Variants in SLC24A2 observed in about 807,000 individuals in gnomAD.
SLC24A2 encodes solute carrier family 24 member 2.
A neutral mutation model predicts 62.0 loss-of-function variants in SLC24A2; 36 were observed. That is an observed-to-expected ratio of 0.58 (90% CI 0.44 to 0.77). SLC24A2 has a LOEUF of 0.77. SLC24A2 is among the 30% of genes least tolerant of loss of function. The pLI is 0.00. For missense variants in SLC24A2, 846 were observed against 817.9 expected (o/e 1.03, Z -0.42); for synonymous variants, 358 against 294.0 (o/e 1.22, Z -2.23).
intron 2 of SLC24A2, among the ~76,000 whole-genome samples, chr9:19,734,841 C>T (rs936550354): frequency 2.0e-5 from 3 of 152,074 alleles, no homozygotes; most frequent in African/African-American, 7.2e-5. Flanking sequence ...CTTCCTTACA[C>T]CTTATACAAA....
At chr9:19,988,177 G>T in the SLC24A2 span, among the ~76,000 whole-genome samples, 16 of 152,058 alleles carry the variant, frequency 1.1e-4, no homozygotes, top group East Asian at 2.3e-3. Context: ...CACCCCTTTG[G>T]CTCCTCCTTA....
the SLC24A2 span, among the ~76,000 whole-genome samples, chr9:19,934,823 G>A: frequency 5.9e-5 from 9 of 152,068 alleles, no homozygotes; most frequent in Admixed American, 3.9e-4. The surrounding 1 kb of genome is among the most constrained non-coding windows in gnomAD (Gnocchi z 4.1). Flanking sequence ...CAAGCGTGGC[G>A]AGTCCGTTTC....
intron 2 of SLC24A2, among the ~76,000 whole-genome samples, chr9:19,687,431 C>T (rs182085626): frequency 1.4e-4 from 22 of 152,090 alleles, no homozygotes; most frequent in African/African-American, 4.8e-4. Context: ...GTGATAGACT[C>T]GAAGGTGAAA....
chr9:20,235,160 C>T, the SLC24A2 span, among the ~76,000 whole-genome samples: 1 of 152,198 alleles, frequency 6.6e-6, no homozygotes, highest in African/African-American at 2.4e-5. Flanking sequence ...CCCAGTTAGG[C>T]TACTCGGGGG....
the SLC24A2 span, among the ~76,000 whole-genome samples, chr9:20,083,086 G>C: frequency 1.2e-4 from 19 of 152,162 alleles, no homozygotes; most frequent in Non-Finnish European, 2.6e-4. Context: ...GTCTCACTCA[G>C]GCAGCACATG....
intron 6 of SLC24A2, among the ~76,000 whole-genome samples, chr9:19,573,940 TA>T (rs1835932267): frequency 6.6e-6 from 1 of 152,234 alleles, no homozygotes; most frequent in Non-Finnish European, 1.5e-5. Flanking sequence ...TTTCTTACAG[TA>T]ATATCGTTTC....
chr9:19,574,509 G>A (rs1835949097), intron 6 of SLC24A2, among the ~76,000 whole-genome samples: 1 of 152,124 alleles, frequency 6.6e-6, no homozygotes, highest in Non-Finnish European at 1.5e-5. Context: ...TAAAACTGGG[G>A]TGATGGTAAC....
Position 19,720,837 on chromosome 9 carries a change from ATGTGTGTGTGTGTG to A in SLC24A2, c.930+65086_930+65099del, listed in dbSNP as rs10692458. 8.5e-4 allele frequency among the ~76,000 whole-genome samples: 120 copies of A among 140,522 alleles called. 1 individual carries two copies. The highest frequency in any genetic ancestry group is 1.9e-3 in the East Asian group (9 of 4,618). The allele number at this position is 140,522 out of a possible 152,430, so 92.2% of individuals were successfully genotyped here. On this transcript the variant is annotated intron_variant, in intron 2 of 10. Transcript: ENST00000341998. Reference sequence around the variant, plus strand: ...AAACAATTTGTGTATATGTGGAATGATGTGTGTGTGTGTGTGTGTGTGTGTGTGTGTGTGTGTGT... The same window carrying A: ...AAACAATTTGTGTATATGTGGAATGATGTGTGTGTGTGTGTGTGTGTGTGT...
At chr9:19,575,466 A>G (rs1403939032) in intron 6 of SLC24A2, among the ~76,000 whole-genome samples, 2 of 152,254 alleles carry the variant, frequency 1.3e-5, no homozygotes, top group Admixed American at 1.3e-4. Context: ...GCCAGGCATA[A>G]TATCTAACCT....
chr9:20,105,127 C>A, the SLC24A2 span, among the ~76,000 whole-genome samples: 1 of 152,178 alleles, frequency 6.6e-6, no homozygotes, highest in Admixed American at 6.5e-5. Context: ...GTAAAGGGAT[C>A]AATTCAACAA....
the SLC24A2 span, among the ~76,000 whole-genome samples, chr9:19,944,873 A>T: frequency 6.6e-6 from 1 of 152,192 alleles, no homozygotes; most frequent in Non-Finnish European, 1.5e-5. Flanking sequence ...GGACCATTCT[A>T]AATTGCTGGA....
Position 19,786,875 on chromosome 9 carries a change from T to A in SLC24A2, c.-9A>T. The A allele has an allele frequency of 3.7e-6, 6 of 1,606,390 alleles. No homozygotes were observed. The highest frequency in any genetic ancestry group is 5.1e-6 in the Non-Finnish European group (6 of 1,179,886). On this transcript the variant is annotated 5_prime_UTR_variant, in exon 2 of 11. It adds an upstream start codon to the 5' untranslated region. Transcript: ENST00000341998. This position sits in a 1 kb window ranked among gnomAD's most constrained non-coding sequence, Gnocchi z 5.0. ...CTTTGTTGCAGATCCATCCTGGGTC[T>A]TCTGGTGGATATGGTGATCTTCCAA...
At chr9:20,169,713 G>C in the SLC24A2 span, among the ~76,000 whole-genome samples, 1 of 150,180 alleles carries the variant, frequency 6.7e-6, no homozygotes, top group Non-Finnish European at 1.5e-5. Flanking sequence ...CCCAGACATA[G>C]CCTATCCAAA....
chr9:19,785,116 T>C (rs1823124086), intron 2 of SLC24A2, among the ~76,000 whole-genome samples: 1 of 152,180 alleles, frequency 6.6e-6, no homozygotes, highest in African/African-American at 2.4e-5. Context: ...CCACATACGA[T>C]TGTATTGATG....
chr9:19,745,727 A>C (rs1285629640), intron 2 of SLC24A2, among the ~76,000 whole-genome samples: 1 of 152,122 alleles, frequency 6.6e-6, no homozygotes, highest in East Asian at 1.9e-4. Flanking sequence ...AACACTTTTT[A>C]TTAAATGTTT....
chr9:20,087,791 T>C, the SLC24A2 span, among the ~76,000 whole-genome samples: 5 of 151,632 alleles, frequency 3.3e-5, no homozygotes, highest in Non-Finnish European at 7.4e-5. Flanking sequence ...AACATCCAGG[T>C]ACATGCACTG....
At chr9:19,528,369 T>C (rs7046449) in intron 8 of SLC24A2, among the ~76,000 whole-genome samples, 4,366 of 152,280 alleles carry the variant, frequency 0.029, 199 homozygotes, top group African/African-American at 0.1. Context: ...GCTCCTGAGA[T>C]GGAAATCTTG....
At chr9:20,144,376 C>T in the SLC24A2 span, among the ~76,000 whole-genome samples, 2 of 151,858 alleles carry the variant, frequency 1.3e-5, no homozygotes, top group Non-Finnish European at 2.9e-5. Context: ...AGAGCAGGGA[C>T]AGGGAAAACA....
rs181398297 is a variant in SLC24A2, at chr9:19,771,297, T to A, written c.930+14640A>T. ...AATTCTTCCTCCTAAAGCACAACAC[T>A]ATCTTGTCCTGTTCTATTTATTTTC... On this transcript the variant is annotated intron_variant, in intron 2 of 10. Coordinates refer to ENST00000341998, the MANE Select transcript of SLC24A2 (RefSeq NM_020344.4). 3.3e-3 allele frequency among the ~76,000 whole-genome samples: 497 copies of A among 152,308 alleles called. 2 individuals are homozygous for A. The highest frequency in any genetic ancestry group is 5.2e-3 in the Non-Finnish European group (354 of 68,022).
Sources: gnomAD v4.1 joint callset for allele counts (sites outside exome capture counted in the v4.1 genomes callset) on GRCh38, gnomAD v4.1.1 for gene constraint, Gnocchi (gnomAD v3.1) non-coding constraint, MANE v1.5 for transcripts, NCBI Gene and HGNC (gene_info 2026-07-23, HGNC 2026-07-21) for gene names.